GRM8: variants seen among roughly 807,000 people sequenced by gnomAD.
The protein encoded by GRM8 is metabotropic glutamate receptor 8.
In GRM8, 47 loss-of-function variants were observed where a neutral mutation model predicts 87.2. That is an observed-to-expected ratio of 0.54 (90% CI 0.43 to 0.69). GRM8 has a LOEUF of 0.69. Ranked by LOEUF, GRM8 falls within the 30% of genes least tolerant of loss-of-function variation. GRM8 has a pLI of 0.00. For missense variants in GRM8, 1,019 were observed against 1,139.2 expected (o/e 0.89, Z 1.52); for synonymous variants, 396 against 404.5 (o/e 0.98, Z 0.25).
At chr7:127,150,633 C>T (rs771078232) in intron 2 of GRM8, among the ~76,000 whole-genome samples, 5 of 152,082 alleles carry the variant, frequency 3.3e-5, no homozygotes, top group Non-Finnish European at 7.4e-5. Flanking sequence ...CTGAAAAAAA[C>T]AGAAAGACTG....
chr7:127,014,685 C>A (rs1352772840), intron 3 of GRM8, among the ~76,000 whole-genome samples: 1 of 151,966 alleles, frequency 6.6e-6, no homozygotes, highest in East Asian at 1.9e-4. Context: ...AAGAGTATAA[C>A]ATTCAAAATT....
chr7:126,661,507 C>T (rs928684591), intron 7 of GRM8, among the ~76,000 whole-genome samples: 18 of 152,270 alleles, frequency 1.2e-4, no homozygotes, highest in Admixed American at 4.6e-4. Flanking sequence ...AGCCCTGGGA[C>T]CCTCAGGACT....
chr7:126,941,816 C>T (rs924160642), intron 3 of GRM8, among the ~76,000 whole-genome samples: 2 of 152,094 alleles, frequency 1.3e-5, no homozygotes, highest in African/African-American at 4.8e-5. Context: ...ATCACATCTA[C>T]CTAGAAACAT....
At chr7:127,122,374 T>C (rs1215849021) in intron 2 of GRM8, among the ~76,000 whole-genome samples, 2 of 152,164 alleles carry the variant, frequency 1.3e-5, no homozygotes, top group East Asian at 3.9e-4. Context: ...ACATTTATTG[T>C]CTTTCCAATT....
At chr7:126,767,027 G>A (rs919213163) in intron 7 of GRM8, among the ~76,000 whole-genome samples, 7 of 152,114 alleles carry the variant, frequency 4.6e-5, no homozygotes, top group Admixed American at 1.3e-4. Flanking sequence ...AGGTACTTCC[G>A]AGACCAGTAA....
intron 2 of GRM8, among the ~76,000 whole-genome samples, chr7:127,154,266 C>T (rs1208716930): frequency 1.3e-5 from 2 of 152,112 alleles, no homozygotes; most frequent in Non-Finnish European, 2.9e-5. Context: ...GATCCAGTCC[C>T]GGTTCCCCAC....
intron 8 of GRM8, among the ~76,000 whole-genome samples, chr7:126,571,727 T>C (rs1222998518): frequency 6.6e-6 from 1 of 150,434 alleles, no homozygotes; most frequent in Non-Finnish European, 1.5e-5. Context: ...AGGAGACCAA[T>C]TCCAAATATA....
chr7:126,555,311 T>C (rs539374835), intron 8 of GRM8, among the ~76,000 whole-genome samples: 8 of 152,256 alleles, frequency 5.3e-5, no homozygotes, highest in Non-Finnish European at 7.4e-5. Context: ...TGAAAGGAGA[T>C]TCCTATTAAT....
At chr7:126,468,911 C>T (rs546340363) in intron 9 of GRM8, among the ~76,000 whole-genome samples, 5 of 152,174 alleles carry the variant, frequency 3.3e-5, no homozygotes, top group East Asian at 3.9e-4. Flanking sequence ...ACTGCAATAC[C>T]CCCTCTTCTC....
At chr7:126,930,934 C>A (rs1419469) in intron 3 of GRM8, among the ~76,000 whole-genome samples, 13 of 152,022 alleles carry the variant, frequency 8.6e-5, no homozygotes, top group African/African-American at 3.1e-4. Context: ...TCACATACCC[C>A]CTCACTTCTG....
chr7:126,449,805 G>A (rs1177916303), intron 9 of GRM8, among the ~76,000 whole-genome samples: 1 of 151,850 alleles, frequency 6.6e-6, no homozygotes, highest in African/African-American at 2.4e-5. Context: ...TATTGGATAT[G>A]TCAATAATAA....
chr7:127,035,838 G>A (rs1037907067), intron 3 of GRM8, among the ~76,000 whole-genome samples: 1 of 152,084 alleles, frequency 6.6e-6, no homozygotes, highest in African/African-American at 2.4e-5. Context: ...CCTCTCAGAT[G>A]GCTTTTTTCA....
chr7:126,735,956 A>C (rs1250339396), intron 7 of GRM8, among the ~76,000 whole-genome samples: 1 of 152,106 alleles, frequency 6.6e-6, no homozygotes, highest in Non-Finnish European at 1.5e-5. Flanking sequence ...TGCTAACTTC[A>C]ATTCAAGAAC....
chr7:126,672,450 CT>C (rs887963156), intron 7 of GRM8, among the ~76,000 whole-genome samples: 1 of 152,180 alleles, frequency 6.6e-6, no homozygotes, highest in Non-Finnish European at 1.5e-5. Flanking sequence ...TCCTAAACCC[CT>C]GGGAATCCTT....
chr7:127,040,136 T>C, intron 3 of GRM8, among the ~76,000 whole-genome samples: 1 of 146,974 alleles, frequency 6.8e-6, no homozygotes, highest in African/African-American at 2.5e-5. Flanking sequence ...AGGGATACTA[T>C]AGTCCAGGTC....
chr7:126,778,966 T>C (rs1453525606), intron 6 of GRM8, among the ~76,000 whole-genome samples: 1 of 152,154 alleles, frequency 6.6e-6, no homozygotes, highest in Non-Finnish European at 1.5e-5. Context: ...TATATTGGTG[T>C]GGCGTCTTAC....
intron 3 of GRM8, among the ~76,000 whole-genome samples, chr7:126,992,829 A>ATGTG (rs536291684): frequency 1.3e-3 from 179 of 137,722 alleles, no homozygotes; most frequent in African/African-American, 4.5e-3. Context: ...GTGTGTGTGT[A>ATGTG]TGTGTGTGTG....
At chr7:126,461,943 G>A (rs1409173215) in intron 9 of GRM8, among the ~76,000 whole-genome samples, 1 of 151,610 alleles carries the variant, frequency 6.6e-6, no homozygotes, top group Non-Finnish European at 1.5e-5. Context: ...CTTCAGTGAT[G>A]TGAGCATTGT....
intron 6 of GRM8, among the ~76,000 whole-genome samples, chr7:126,848,541 G>A (rs113435859): frequency 6.6e-6 from 1 of 152,054 alleles, no homozygotes; most frequent in African/African-American, 2.4e-5. Flanking sequence ...AAAATGACAG[G>A]CTGGGCATGA....
Sources: allele counts gnomAD v4.1 joint callset (sites outside exome capture counted in the v4.1 genomes callset), GRCh38; gene constraint gnomAD v4.1.1; transcripts MANE v1.5; gene names NCBI Gene and HGNC (gene_info 2026-07-23, HGNC 2026-07-21).